The following GALNT13 variants were observed in gnomAD, a reference collection of about 807,000 sequenced individuals.
The protein encoded by GALNT13 is UDP-GalNAc:polypeptide N-acetylgalactosaminyltransferase 13.
GALNT13 carries 28 observed loss-of-function variants against 64.2 expected under a neutral mutation model. The ratio of observed to expected loss-of-function variants is 0.44; its 90% CI spans 0.32 to 0.60. The LOEUF is 0.60. GALNT13 is among the 20% of genes least tolerant of loss of function. GALNT13 has a pLI of 0.05. For synonymous variants in GALNT13, 214 were observed against 224.6 expected (o/e 0.95, Z 0.42); for missense variants, 577 against 669.8 (o/e 0.86, Z 1.53).
chr2:154,388,332 C>T (rs995029621), intron 9 of GALNT13, among the ~76,000 whole-genome samples: 1 of 152,098 alleles, frequency 6.6e-6, no homozygotes, highest in Non-Finnish European at 1.5e-5. Flanking sequence ...CCATGGCTTA[C>T]ATTTGTAGGC....
rs116393591 is a variant in GALNT13 at position 154,147,157 on chromosome 2, G to A, written c.311+6652G>A. The stretch of plus-strand genomic sequence containing the variant: ...TTTGTAAAACTGAAACTCTATAGCC[G>A]TTAAACAGGAACTCCACATTTCTCC... On this transcript the variant is annotated intron_variant, in intron 4 of 12. Transcript: ENST00000392825. 2.8e-3 allele frequency among the ~76,000 whole-genome samples: 422 copies of A among 151,796 alleles called. 1 individual carries two copies. Among genetic ancestry groups the A allele is most frequent in the African/African-American group, 9.7e-3 (401 of 41,432 alleles).
chr2:153,930,054 G>A (rs1218039934), intron 2 of GALNT13, among the ~76,000 whole-genome samples: 1 of 152,072 alleles, frequency 6.6e-6, no homozygotes, highest in Non-Finnish European at 1.5e-5. Context: ...GTGTAAGGTG[G>A]TATCTCATTG....
At chr2:153,957,015 T>C (rs1679780316) in intron 3 of GALNT13, among the ~76,000 whole-genome samples, 1 of 152,238 alleles carries the variant, frequency 6.6e-6, no homozygotes, top group African/African-American at 2.4e-5. Context: ...AAAATCTTAA[T>C]GTCAAATTTC....
At chr2:154,018,461 T>C (rs768554273) in intron 3 of GALNT13, among the ~76,000 whole-genome samples, 2 of 152,178 alleles carry the variant, frequency 1.3e-5, no homozygotes, top group Non-Finnish European at 2.9e-5. Flanking sequence ...AATTAAGTTA[T>C]TGTAAACTCA....
the GALNT13 span, among the ~76,000 whole-genome samples, chr2:153,114,344 C>A: frequency 3.3e-5 from 5 of 152,114 alleles, no homozygotes; most frequent in East Asian, 9.6e-4. Context: ...GGTTTCACTC[C>A]CCTGACCCTG....
the GALNT13 span, among the ~76,000 whole-genome samples, chr2:153,705,534 T>C: frequency 6.6e-6 from 1 of 152,206 alleles, no homozygotes; most frequent in Non-Finnish European, 1.5e-5. Context: ...GCTGGGTTTG[T>C]TGGGTTTGGC....
intron 3 of GALNT13, among the ~76,000 whole-genome samples, chr2:154,041,352 A>AT: frequency 7.1e-6 from 1 of 140,374 alleles, no homozygotes; most frequent in East Asian, 2.0e-4. Flanking sequence ...TCTGGCCTTT[A>AT]TTTTTTAGAG....
chr2:153,973,221 A>G (rs956076899), intron 3 of GALNT13, among the ~76,000 whole-genome samples: 2 of 152,006 alleles, frequency 1.3e-5, no homozygotes, highest in African/African-American at 2.4e-5. Flanking sequence ...GAGGATTCTG[A>G]CCTAGAGCTC....
chr2:153,924,063 T>G (rs1689942211), intron 2 of GALNT13, among the ~76,000 whole-genome samples: 1 of 152,090 alleles, frequency 6.6e-6, no homozygotes, highest in African/African-American at 2.4e-5. Flanking sequence ...CCAACTTTTA[T>G]TTTTAAATTC....
chr2:153,672,545 C>A, the GALNT13 span, among the ~76,000 whole-genome samples: 8 of 152,066 alleles, frequency 5.3e-5, no homozygotes, highest in Non-Finnish European at 1.2e-4. Flanking sequence ...TGGGACACAG[C>A]TAAAGCAGTG....
the GALNT13 span, among the ~76,000 whole-genome samples, chr2:153,578,209 A>G: frequency 1.3e-5 from 2 of 152,154 alleles, no homozygotes; most frequent in Non-Finnish European, 2.9e-5. Flanking sequence ...GTCTCTAACT[A>G]TGTCAATAAA....
chr2:153,628,607 G>T, the GALNT13 span, among the ~76,000 whole-genome samples: 2 of 152,082 alleles, frequency 1.3e-5, no homozygotes, highest in African/African-American at 2.4e-5. Flanking sequence ...AGATAATCAC[G>T]TGGTTTTTGT....
At chr2:154,425,841 T>C (rs1700445309) in intron 11 of GALNT13, among the ~76,000 whole-genome samples, 1 of 152,180 alleles carries the variant, frequency 6.6e-6, no homozygotes, top group African/African-American at 2.4e-5. Context: ...AAATAGATGA[T>C]TGAATAGCTG....
the GALNT13 span, among the ~76,000 whole-genome samples, chr2:153,342,564 A>G: frequency 6.6e-6 from 1 of 152,224 alleles, no homozygotes; most frequent in Non-Finnish European, 1.5e-5. Flanking sequence ...GACTTTATCA[A>G]ACACATTACA....
chr2:153,889,513 ATTAC>A, intron 1 of GALNT13, among the ~76,000 whole-genome samples: 1 of 152,114 alleles, frequency 6.6e-6, no homozygotes, highest in South Asian at 2.1e-4. Context: ...ATATGTATTT[ATTAC>A]TTACCATTGA....
intron 4 of GALNT13, among the ~76,000 whole-genome samples, chr2:154,173,626 G>A (rs563820975): frequency 1.5e-3 from 229 of 152,104 alleles, no homozygotes; most frequent in African/African-American, 5.3e-3. Flanking sequence ...CACACAATGG[G>A]AGAAACTGTT....
intron 10 of GALNT13, among the ~76,000 whole-genome samples, chr2:154,406,688 T>C (rs2105386324): frequency 6.6e-6 from 1 of 152,308 alleles, no homozygotes; most frequent in East Asian, 1.9e-4. Flanking sequence ...CTGTGCTTTA[T>C]ATTTCTTCAC....
intron 3 of GALNT13, among the ~76,000 whole-genome samples, chr2:154,021,737 T>C (rs992332672): frequency 6.6e-6 from 1 of 151,742 alleles, no homozygotes; most frequent in African/African-American, 2.4e-5. Flanking sequence ...TCCAACACTA[T>C]GTTGAATAGG....
the GALNT13 span, among the ~76,000 whole-genome samples, chr2:153,357,790 T>C: frequency 6.6e-6 from 1 of 152,214 alleles, no homozygotes. Flanking sequence ...ATTCATTAAA[T>C]TGATGCATTT....
Sources: allele counts gnomAD v4.1 joint callset (sites outside exome capture counted in the v4.1 genomes callset), GRCh38; gene constraint gnomAD v4.1.1; transcripts MANE v1.5; gene names NCBI Gene and HGNC (gene_info 2026-07-23, HGNC 2026-07-21).